The following TCF4 variants were observed in gnomAD, a reference collection of about 807,000 sequenced individuals.
TCF4 encodes transcription factor 4.
Under a neutral mutation model 82.1 loss-of-function variants are expected in TCF4, and 3 were observed. The observed-to-expected ratio is 0.04, with a 90% CI of 0.02 to 0.09. TCF4 has a LOEUF of 0.09. Among genes scored for constraint, TCF4 ranks in the 10% least tolerant of loss-of-function variants. The pLI, the probability that TCF4 is intolerant of heterozygous loss-of-function variation, is 1.00. For synonymous variants in TCF4, 276 were observed against 309.6 expected, an observed-to-expected ratio of 0.89 and a Z score of 1.14; for missense variants, 518 against 852.7, an observed-to-expected ratio of 0.61 and a Z score of 4.89.
chr18:55,281,626 A>G (rs1788029), intron 8 of TCF4, among the ~76,000 whole-genome samples: 5,690 of 152,106 alleles, frequency 0.037, 356 homozygotes, highest in African/African-American at 0.13. Flanking sequence ...TTTAATTTTA[A>G]TTACATATTC....
At chr18:55,372,209 T>C (rs867043068) in intron 6 of TCF4, among the ~76,000 whole-genome samples, 6 of 152,048 alleles carry the variant, frequency 3.9e-5, no homozygotes, top group Non-Finnish European at 7.4e-5. Context: ...TGCCAGAAAA[T>C]AAGGAAGAGT....
At chr18:55,354,048 T>C (rs2082897112) in intron 6 of TCF4, among the ~76,000 whole-genome samples, 1 of 152,196 alleles carries the variant, frequency 6.6e-6, no homozygotes, top group Non-Finnish European at 1.5e-5. Context: ...ATGTGGCATC[T>C]GGCAGAGCTA....
chr18:55,557,342 A>C (rs754567228), intron 3 of TCF4, among the ~76,000 whole-genome samples: 2 of 152,146 alleles, frequency 1.3e-5, no homozygotes, highest in Non-Finnish European at 2.9e-5. Context: ...GGAAGCTGAC[A>C]CAAGAGGATC....
At chr18:55,517,269 G>T (rs140403415) in intron 3 of TCF4, among the ~76,000 whole-genome samples, 2 of 152,058 alleles carry the variant, frequency 1.3e-5, no homozygotes, top group Non-Finnish European at 2.9e-5. Context: ...TCTTTTGTGC[G>T]GCTGGGTGAT....
At chr18:55,275,275 G>GGAAAA (rs1555795909) in intron 10 of TCF4, among the ~76,000 whole-genome samples, 3,357 of 71,342 alleles carry the variant, frequency 0.047, 103 homozygotes, top group African/African-American at 0.11. Flanking sequence ...ACTACAGATA[G>GGAAAA]AAAAAAAAAA....
At chr18:55,514,434 CA>C (rs1478084352) in intron 3 of TCF4, among the ~76,000 whole-genome samples, 5 of 151,872 alleles carry the variant, frequency 3.3e-5, no homozygotes, top group South Asian at 4.1e-4. Flanking sequence ...CACACACACA[CA>C]CACACACACA....
chr18:55,447,679 G>A (rs138042818), intron 5 of TCF4, among the ~76,000 whole-genome samples: 9 of 152,218 alleles, frequency 5.9e-5, no homozygotes, highest in Non-Finnish European at 1.2e-4. Flanking sequence ...CAGACATATC[G>A]ATAACATGTT....
intron 2 of TCF4, among the ~76,000 whole-genome samples, chr18:55,608,219 T>G (rs185412705): frequency 7.9e-5 from 12 of 152,284 alleles, no homozygotes; most frequent in African/African-American, 2.4e-4. Flanking sequence ...ATACTGATAT[T>G]TTGAGGGGTT....
At chr18:55,437,395 C>T (rs1245218531) in intron 5 of TCF4, among the ~76,000 whole-genome samples, 1 of 152,118 alleles carries the variant, frequency 6.6e-6, no homozygotes, top group East Asian at 1.9e-4. Flanking sequence ...GGGATAATTT[C>T]AGCCCATTCT....
chr18:55,328,833 G>C (rs1478051937), intron 8 of TCF4, among the ~76,000 whole-genome samples: 3 of 152,098 alleles, frequency 2.0e-5, no homozygotes, highest in Non-Finnish European at 1.5e-5. Context: ...GATAATCAGA[G>C]GGGAAATGTG....
intron 3 of TCF4, among the ~76,000 whole-genome samples, chr18:55,473,616 G>C (rs1039855753): frequency 2.0e-5 from 3 of 152,098 alleles, no homozygotes; most frequent in African/African-American, 7.2e-5. Context: ...AATGACAAAT[G>C]ATCAATCTTG....
At chr18:55,627,782 C>T (rs913268753) in intron 2 of TCF4, among the ~76,000 whole-genome samples, 1 of 141,784 alleles carries the variant, frequency 7.1e-6, no homozygotes, top group Non-Finnish European at 1.5e-5. Context: ...AAAACAAGGC[C>T]GGGTGCAGTG....
intron 3 of TCF4, among the ~76,000 whole-genome samples, chr18:55,476,669 T>C (rs752417586): frequency 1.8e-4 from 27 of 152,008 alleles, no homozygotes; most frequent in Non-Finnish European, 3.5e-4. Flanking sequence ...GGTCTCACTA[T>C]GTTGCTCAGG....
intron 5 of TCF4, among the ~76,000 whole-genome samples, chr18:55,426,482 C>A (rs1445344952): frequency 6.6e-6 from 1 of 152,188 alleles, no homozygotes; most frequent in African/African-American, 2.4e-5. Context: ...AGAGCAACTG[C>A]ATTCTACATT....
chr18:55,470,927 C>T (rs976897121), intron 3 of TCF4, among the ~76,000 whole-genome samples: 1 of 152,164 alleles, frequency 6.6e-6, no homozygotes, highest in East Asian at 1.9e-4. Flanking sequence ...CCTGCAACAA[C>T]AGACACTATT....
chr18:55,283,689 A>G (rs1197324070), intron 8 of TCF4, among the ~76,000 whole-genome samples: 1 of 152,220 alleles, frequency 6.6e-6, no homozygotes, highest in Non-Finnish European at 1.5e-5. Flanking sequence ...ATCTTGGACC[A>G]GTTACTTTTA....
At chr18:55,311,570 C>T (rs984283503) in intron 8 of TCF4, among the ~76,000 whole-genome samples, 3 of 152,200 alleles carry the variant, frequency 2.0e-5, no homozygotes, top group African/African-American at 7.2e-5. Flanking sequence ...TAAACAATGT[C>T]CATCTCGAGG....
intron 13 of TCF4, among the ~76,000 whole-genome samples, chr18:55,258,117 C>T (rs576802337): frequency 6.6e-6 from 1 of 152,252 alleles, no homozygotes; most frequent in South Asian, 2.1e-4. Context: ...TATGATCTCA[C>T]TGAAATCTCA....
At chr18:55,478,584 A>G (rs2096351720) in intron 3 of TCF4, among the ~76,000 whole-genome samples, 1 of 152,188 alleles carries the variant, frequency 6.6e-6, no homozygotes, top group Non-Finnish European at 1.5e-5. Context: ...AGTTACAAGT[A>G]AGAAACCTAC....
Sources: gnomAD v4.1 joint callset for allele counts (sites outside exome capture counted in the v4.1 genomes callset) on GRCh38, gnomAD v4.1.1 for gene constraint, MANE v1.5 for transcripts, NCBI Gene and HGNC (gene_info 2026-07-23, HGNC 2026-07-21) for gene names.